The following PLEKHM2 variants were observed in gnomAD, a reference collection of about 807,000 sequenced individuals.
The protein encoded by PLEKHM2 is pleckstrin homology domain-containing family M member 2.
PLEKHM2 carries 77 observed loss-of-function variants against 116.3 expected under a neutral mutation model. The ratio of observed to expected loss-of-function variants is 0.66; its 90% CI spans 0.55 to 0.80. The LOEUF is 0.80. PLEKHM2 is among the 30% of genes least tolerant of loss of function. PLEKHM2 has a pLI of 0.00. For missense variants in PLEKHM2, 1,183 were observed against 1,354.9 expected, an observed-to-expected ratio of 0.87 and a Z score of 1.99; for synonymous variants, 562 against 571.0, an observed-to-expected ratio of 0.98 and a Z score of 0.22.
In PLEKHM2 at chr1:15,721,732, C is replaced by T. The variant is rs141119225; in HGVS notation, c.712+344C>T. Among the ~76,000 whole-genome samples the T allele has an allele frequency of 2.0e-3, 298 of 152,282 alleles. 2 individuals are homozygous for T. Among genetic ancestry groups the T allele is most frequent in the Non-Finnish European group, 3.5e-3 (239 of 68,010 alleles). ...CTGACCCAGTGAACCAAGACTTGTT[C>T]TGGAAAACCATGCCTTTAAACATGC... is the stretch of plus-strand genomic sequence containing the variant. On this transcript the variant is annotated intron_variant, in intron 7 of 19. Transcript: ENST00000375799. The surrounding 1 kb of genome is among the most constrained non-coding windows in gnomAD (Gnocchi z 5.1).
At chr1:15,720,365 C>T (rs993434348) in intron 6 of PLEKHM2, 24 of 985,082 alleles carry the variant, frequency 2.4e-5, no homozygotes, top group East Asian at 1.1e-4. Context: ...AGGTCTGAAG[C>T]GCAGGGAAAC....
intron 7 of PLEKHM2, 44 bp from the exon 8 acceptor site, chr1:15,725,273 G>C: frequency 1.4e-6 from 2 of 1,431,500 alleles, no homozygotes; most frequent in South Asian, 2.5e-5. Flanking sequence ...CGGGGACCCC[G>C]GGGGGTGCCT....
At chr1:15,683,872 G>A (rs114643467), upstream of PLEKHM2, among the ~76,000 whole-genome samples, 1,541 of 150,096 alleles carry the variant, frequency 0.01, 24 homozygotes, top group African/African-American at 0.034. Context: ...AGTTCCTGGG[G>A]TCTGAGGGTG....
intron 7 of PLEKHM2, among the ~76,000 whole-genome samples, chr1:15,723,744 CAAAAAA>C (rs1056474462): frequency 3.9e-5 from 3 of 76,406 alleles, no homozygotes; most frequent in South Asian, 4.9e-4. Context: ...GACCCTGTCT[CAAAAAA>C]AAAAAAAAAA....
At chr1:15,685,960 A>G (rs1192834660) in intron 1 of PLEKHM2, among the ~76,000 whole-genome samples, 2 of 152,226 alleles carry the variant, frequency 1.3e-5, no homozygotes, top group Non-Finnish European at 2.9e-5. Context: ...CTAATGGAAG[A>G]GAAAGGAACA....
At position 15,727,735 on chromosome 1, in the gene PLEKHM2, C is replaced by T. The variant is rs1377708613; in HGVS notation, c.1663C>T (p.Arg555Ter). ...GTQEVLCQLK[R>*]DQPSPCLSSA... ...CCAGGAGGTTCTCTGCCAGCTCAAGCGAGACCAGCCCAGCCCGTGTCTGAG... is the reference window on the plus strand; with the variant it reads ...CCAGGAGGTTCTCTGCCAGCTCAAGTGAGACCAGCCCAGCCCGTGTCTGAG... The change falls in exon 9 of 20, where the codon CGA becomes TGA. Residue 555 changes from arginine to a stop codon, truncating the protein, a stop_gained. Coordinates refer to ENST00000375799, the MANE Select transcript of PLEKHM2 (RefSeq NM_015164.4). LOFTEE classifies it high-confidence loss of function. This position sits in a 1 kb window ranked among gnomAD's most constrained non-coding sequence, Gnocchi z 7.5. The T allele has an allele frequency of 3.7e-6, 6 of 1,600,624 alleles. No individual in the cohort carries two copies. The highest frequency in any genetic ancestry group is 2.3e-5 in the East Asian group (1 of 44,390).
intron 6 of PLEKHM2, chr1:15,720,954 T>G: frequency 5.6e-6 from 1 of 177,868 alleles, no homozygotes; most frequent in Non-Finnish European, 1.2e-5. Context: ...AATTTGGAGA[T>G]TGTGCAACTG....
At chr1:15,709,168 T>G (rs1335301931) in intron 1 of PLEKHM2, among the ~76,000 whole-genome samples, 1 of 152,192 alleles carries the variant, frequency 6.6e-6, no homozygotes, top group Non-Finnish European at 1.5e-5. Flanking sequence ...CAATAAATCA[T>G]GGCCCTAATT....
chr1:15,689,032 T>C (rs7538149), intron 1 of PLEKHM2, among the ~76,000 whole-genome samples: 20,871 of 151,938 alleles, frequency 0.14, 2,418 homozygotes, highest in African/African-American at 0.32. Context: ...GCGGATCACC[T>C]GAGGTCAGGA....
chr1:15,698,892 G>A (rs146117915), intron 1 of PLEKHM2, among the ~76,000 whole-genome samples: 272 of 152,204 alleles, frequency 1.8e-3, no homozygotes, highest in Admixed American at 2.9e-3. Context: ...TTTTTGAATT[G>A]CAAGATCTCT....
intron 1 of PLEKHM2, among the ~76,000 whole-genome samples, chr1:15,704,418 C>G (rs1240128206): frequency 6.6e-6 from 1 of 151,896 alleles, no homozygotes; most frequent in African/African-American, 2.4e-5. Context: ...CCATGTTCAG[C>G]TCGTATCATC....
At chr1:15,725,179 C>A (rs1156465061) in intron 7 of PLEKHM2, 138 bp from the exon 8 acceptor site, 1 of 636,188 alleles carries the variant, frequency 1.6e-6, no homozygotes, top group Non-Finnish European at 2.8e-6. Context: ...GGCTTCTACT[C>A]GAAATGGGGC....
At chr1:15,717,777 C>T in intron 3 of PLEKHM2, 116 bp from the exon 4 acceptor site, 1 of 669,984 alleles carries the variant, frequency 1.5e-6, no homozygotes, top group East Asian at 2.7e-5. Context: ...GCACAAAGGC[C>T]ACTGAAGTGC....
At position 15,716,789 on chromosome 1, in the gene PLEKHM2, C is replaced by T; in HGVS notation, c.250C>T (p.Gln84Ter). ...REAIKQIEVL[Q>*]HVATNLGRSR... The stretch of plus-strand genomic sequence containing the variant: ...GGCCATCAAGCAGATCGAGGTGCTG[C>T]AGCACGTGGCCACCAACCTGGGGCG... The change falls in exon 3 of 20, where the codon CAG becomes TAG. Residue 84 changes from glutamine to a stop codon, truncating the protein, a stop_gained. Transcript: ENST00000375799. LOFTEE classifies it high-confidence loss of function. 1.3e-6 allele frequency: 2 copies of T among 1,570,096 alleles called. No individual in the cohort carries two copies. The highest frequency in any genetic ancestry group is 2.4e-5 in the East Asian group (1 of 42,306).
intron 1 of PLEKHM2, among the ~76,000 whole-genome samples, chr1:15,715,502 A>G (rs1482449615): frequency 6.6e-6 from 1 of 152,036 alleles, no homozygotes; most frequent in Non-Finnish European, 1.5e-5. Context: ...TTAGCTGGGC[A>G]TGGTGGTGGG....
In PLEKHM2 at chr1:15,727,928, C is replaced by G; in HGVS notation, c.1760+96C>G. 8.0e-7 allele frequency: 1 copy of G among 1,246,174 alleles called. No individual in the cohort carries two copies. The highest frequency in any genetic ancestry group is 1.1e-6 in the Non-Finnish European group (1 of 882,532). 77.2% of individuals were successfully genotyped at this position (1,246,174 alleles called of 1,614,324 possible). A position where few individuals can be genotyped will look rare whatever the true frequency, so the allele number is the denominator to read the frequency against. On this transcript the variant is annotated intron_variant, in intron 9 of 19. Transcript: ENST00000375799. The surrounding 1 kb of genome is among the most constrained non-coding windows in gnomAD (Gnocchi z 7.5). ...CCAGATAAATTAAGCACTAGGAAGA[C>G]CTAGCCTGAGTGAGAAGGGGTGTGA...
chr1:15,701,506 C>A (rs12741026), intron 1 of PLEKHM2, among the ~76,000 whole-genome samples: 1 of 150,120 alleles, frequency 6.7e-6, no homozygotes, highest in South Asian at 2.1e-4. Flanking sequence ...AATACCCCAG[C>A]TGGCCGGGCA....
At chr1:15,714,444 G>A (rs1208906163) in intron 1 of PLEKHM2, among the ~76,000 whole-genome samples, 2 of 150,956 alleles carry the variant, frequency 1.3e-5, no homozygotes, top group African/African-American at 4.9e-5. Context: ...GAGGGATTAT[G>A]CAGTTTTTGC....
chr1:15,728,267 A>G lies in PLEKHM2; in HGVS notation c.1831A>G (p.Met611Val), dbSNP rs2068092987. The change falls in exon 11 of 20, where the codon ATG (methionine) becomes GTG (valine). Residue 611 changes from methionine to valine, a missense_variant and splice_region_variant. By Grantham distance (21) the Met-to-Val change is conservative. Coordinates refer to ENST00000375799, the MANE Select transcript of PLEKHM2 (RefSeq NM_015164.4). The surrounding 1 kb of genome is among the most constrained non-coding windows in gnomAD (Gnocchi z 5.9). ...GACCCTTGTCTGCTTCGGCCCCCAG[A>G]TGATCCGGATGAGCACCGGGCACAT... ...FRENEEQLFK[M>V]IRMSTGHMEG... 1 of 1,613,074 alleles carries G rather than the reference A, an allele frequency of 6.2e-7. No homozygotes were observed. The highest frequency in any genetic ancestry group is 2.2e-5 in the East Asian group (1 of 44,890).
Sources: allele counts gnomAD v4.1 joint callset (sites outside exome capture counted in the v4.1 genomes callset), GRCh38; gene constraint gnomAD v4.1.1; non-coding constraint Gnocchi (gnomAD v3.1); transcripts MANE v1.5; gene names NCBI Gene and HGNC (gene_info 2026-07-23, HGNC 2026-07-21).